ORC5: variants seen among roughly 807,000 people sequenced by gnomAD.
ORC5 encodes origin recognition complex subunit 5, also known as protein phosphatase 1, regulatory subunit 117.
Under a neutral mutation model 58.8 loss-of-function variants are expected in ORC5, and 39 were observed. The observed-to-expected ratio is 0.66, with a 90% CI of 0.51 to 0.87. The LOEUF is 0.87. Among genes scored for constraint, ORC5 ranks in the 40% least tolerant of loss-of-function variants. The pLI, the probability that ORC5 is intolerant of heterozygous loss-of-function variation, is 0.00. For missense variants in ORC5, 493 were observed against 506.3 expected (o/e 0.97, Z 0.25); for synonymous variants, 218 against 177.6 (o/e 1.23, Z -1.81).
intron 11 of ORC5, 80 bp from the exon 12 acceptor site, chr7:104,161,262 C>G: frequency 1.3e-6 from 1 of 755,872 alleles, no homozygotes. Context: ...CTGCCAGTAA[C>G]AATGTATTTT....
At chr7:104,146,265 A>G (rs1296618176) in intron 12 of ORC5, among the ~76,000 whole-genome samples, 1 of 152,204 alleles carries the variant, frequency 6.6e-6, no homozygotes, top group Non-Finnish European at 1.5e-5. Flanking sequence ...TATACGCCTT[A>G]TAAAACTAAG....
rs1324627106 is a variant in ORC5, at chr7:104,133,055, A to T, written c.1262+3726T>A. Among the ~76,000 whole-genome samples the T allele has an allele frequency of 6.6e-6, 1 of 152,184 alleles. No individual in the cohort carries two copies. Among genetic ancestry groups the T allele is most frequent in the Non-Finnish European group, 1.5e-5 (1 of 68,038 alleles). ...ACCGAGGAAAGAAGGTGTATGTGCT[A>T]GATGGGGCTAGGCACAGGTAGGGGC... On this transcript the variant is annotated intron_variant, in intron 13 of 13. Transcript: ENST00000297431. The surrounding 1 kb of genome is among the most constrained non-coding windows in gnomAD (Gnocchi z 4.7).
chr7:104,162,216 A>C (rs1799036726), intron 11 of ORC5, among the ~76,000 whole-genome samples: 1 of 152,220 alleles, frequency 6.6e-6, no homozygotes, highest in African/African-American at 2.4e-5. Flanking sequence ...TCTGTCACCC[A>C]GGCTGGAGTA....
chr7:104,204,068 G>T (rs996145039), intron 2 of ORC5, 74 bp downstream of exon 2: 3 of 723,242 alleles, frequency 4.1e-6, no homozygotes, highest in African/African-American at 3.6e-5. Flanking sequence ...TTGCATTTGT[G>T]GAGATTCACA....
In ORC5 at chr7:104,207,968, C is replaced by G; in HGVS notation, c.-64G>C. On this transcript the variant is annotated 5_prime_UTR_variant, in exon 1 of 14. Transcript: ENST00000297431. ...CACAGGACCCTTGCACAAGACGGAG[C>G]CTCTCCCGAGTCTGGCGGCCCACGC... 1.4e-6 allele frequency: 2 copies of G among 1,475,804 alleles called. No homozygotes were observed. Among genetic ancestry groups the G allele is most frequent in the East Asian group, 2.3e-5 (1 of 43,602 alleles). 91.4% of individuals were successfully genotyped at this position (1,475,804 alleles called of 1,614,324 possible).
rs78136123 is a variant in ORC5, at chr7:104,171,135, T to A, written c.825-2610A>T. On this transcript the variant is annotated intron_variant, in intron 8 of 13. Coordinates refer to ENST00000297431, the MANE Select transcript of ORC5 (RefSeq NM_002553.4). ...GTTATTGAATTTCAAACTTAAAGAA[T>A]GCTTTCCATACCTGAAAATGCTTTT... 9.4e-3 allele frequency among the ~76,000 whole-genome samples: 1,433 copies of A among 152,346 alleles called. 23 individuals carry two copies. The highest frequency in any genetic ancestry group is 0.032 in the African/African-American group (1,344 of 41,592).
intron 4 of ORC5, among the ~76,000 whole-genome samples, chr7:104,196,637 T>C (rs10276243): frequency 0.058 from 8,872 of 152,214 alleles, 860 homozygotes; most frequent in African/African-American, 0.2. Context: ...GTATTTAACT[T>C]TGAAAGGCAG....
At position 104,138,017 on chromosome 7, in the gene ORC5, A is replaced by G. The variant is rs893615279; in HGVS notation, c.1150-1124T>C. 1.3e-5 allele frequency among the ~76,000 whole-genome samples: 2 copies of G among 152,218 alleles called. No homozygotes were observed. The highest frequency in any genetic ancestry group is 2.9e-5 in the Non-Finnish European group (2 of 68,044). ...CACTGCGGCTTCAGGAGCTGTAAGC[A>G]TTCATCCCTAGATGCGGCCGTGAGA... On this transcript the variant is annotated intron_variant, in intron 12 of 13. Coordinates refer to ENST00000297431, the MANE Select transcript of ORC5 (RefSeq NM_002553.4). This position sits in a 1 kb window ranked among gnomAD's most constrained non-coding sequence, Gnocchi z 4.7.
intron 6 of ORC5, among the ~76,000 whole-genome samples, chr7:104,186,668 A>T (rs1378277915): frequency 6.6e-6 from 1 of 152,162 alleles, no homozygotes; most frequent in East Asian, 1.9e-4. Flanking sequence ...AACTTTCAAG[A>T]AATATGCCAC....
chr7:104,158,618 AC>A (rs1318138792), intron 12 of ORC5, among the ~76,000 whole-genome samples: 4 of 152,200 alleles, frequency 2.6e-5, no homozygotes, highest in African/African-American at 7.2e-5. Context: ...ATGAACTCAA[AC>A]AAATTTACAA....
intron 8 of ORC5, among the ~76,000 whole-genome samples, chr7:104,178,529 T>C (rs889141464): frequency 6.6e-6 from 1 of 152,196 alleles, no homozygotes; most frequent in East Asian, 1.9e-4. Flanking sequence ...ATTCTGATGA[T>C]AGTTTCCTTT....
chr7:104,181,745 T>G (rs1178027219), intron 8 of ORC5, among the ~76,000 whole-genome samples: 4 of 146,768 alleles, frequency 2.7e-5, no homozygotes, highest in African/African-American at 1.0e-4. Flanking sequence ...TGAGCCGAGA[T>G]CGCGCCACTG....
intron 13 of ORC5, among the ~76,000 whole-genome samples, chr7:104,128,597 A>G (rs1050143788): frequency 3.3e-5 from 5 of 151,642 alleles, no homozygotes; most frequent in African/African-American, 9.7e-5. Flanking sequence ...ATATGTATAC[A>G]TGTGCCATGC....
At chr7:104,189,986 GTAGT>G (rs1479159125) in intron 5 of ORC5, among the ~76,000 whole-genome samples, 3 of 152,092 alleles carry the variant, frequency 2.0e-5, no homozygotes, top group Non-Finnish European at 2.9e-5. Flanking sequence ...CTAACTTCTG[GTAGT>G]TAGTGTCAGA....
At chr7:104,180,754 T>C (rs1347369450) in intron 8 of ORC5, among the ~76,000 whole-genome samples, 1 of 152,180 alleles carries the variant, frequency 6.6e-6, no homozygotes, top group Non-Finnish European at 1.5e-5. Context: ...TATTTATAGG[T>C]ATGTGTTTAA....
chr7:104,199,610 G>C (rs1799889518), intron 3 of ORC5, among the ~76,000 whole-genome samples: 1 of 152,224 alleles, frequency 6.6e-6, no homozygotes, highest in Non-Finnish European at 1.5e-5. Context: ...CCCATTGCCT[G>C]TATCTCCATT....
chr7:104,180,320 T>G (rs549773273), intron 8 of ORC5, among the ~76,000 whole-genome samples: 2 of 134,046 alleles, frequency 1.5e-5, no homozygotes, highest in South Asian at 4.9e-4. Flanking sequence ...AACAAATATT[T>G]TGCATTTTAT....
At chr7:104,126,919 T>A in intron 13 of ORC5, 26 bp from the exon 14 acceptor site, 1 of 1,529,146 alleles carries the variant, frequency 6.5e-7, no homozygotes, top group Non-Finnish European at 9.1e-7. Flanking sequence ...GATAATATGT[T>A]AGCATTCTCA....
intron 12 of ORC5, among the ~76,000 whole-genome samples, chr7:104,150,821 C>A (rs1016191958): frequency 1.3e-5 from 2 of 151,708 alleles, no homozygotes; most frequent in African/African-American, 4.8e-5. Flanking sequence ...CCTCAAACAT[C>A]AGGGTAGTTG....
Sources: allele counts gnomAD v4.1 joint callset (sites outside exome capture counted in the v4.1 genomes callset), GRCh38; gene constraint gnomAD v4.1.1; non-coding constraint Gnocchi (gnomAD v3.1); transcripts MANE v1.5; gene names NCBI Gene and HGNC (gene_info 2026-07-23, HGNC 2026-07-21).